DNAJC16: variants seen among roughly 807,000 people sequenced by gnomAD.
The protein encoded by DNAJC16 is DnaJ heat shock protein family (Hsp40) member C16.
In DNAJC16, 76 loss-of-function variants were observed where a neutral mutation model predicts 92.7. The observed-to-expected ratio is 0.82, with a 90% confidence interval of 0.68 to 0.99. DNAJC16 has a LOEUF of 0.99. Among genes scored for constraint, DNAJC16 ranks in the 50% least tolerant of loss-of-function variants. The pLI, the probability that DNAJC16 is intolerant of heterozygous loss-of-function variation, is 0.00. For missense variants in DNAJC16, 869 were observed against 942.4 expected, an observed-to-expected ratio of 0.92 and a Z score of 1.02; for synonymous variants, 328 against 358.7, an observed-to-expected ratio of 0.91 and a Z score of 0.97.
chr1:15,543,541 C>CAATCTGGAGACA (rs1214522256), intron 4 of DNAJC16, among the ~76,000 whole-genome samples: 1 of 152,158 alleles, frequency 6.6e-6, no homozygotes, highest in Non-Finnish European at 1.5e-5. Flanking sequence ...TTTATTCCAG[C>CAATCTGGAGACA]TGAAATGGGT....
Position 15,566,193 on chromosome 1 carries a change from A to C in DNAJC16, c.1778+13A>C. 4 of 1,609,802 alleles carry C rather than the reference A, an allele frequency of 2.5e-6. No individual in the cohort carries two copies. The highest frequency in any genetic ancestry group is 2.5e-6 in the Non-Finnish European group (3 of 1,177,078). The stretch of plus-strand genomic sequence containing the variant: ...AAGAAAACAGCAGGTTTCTCTAACA[A>C]AACACCAGACTCACCTCCCCGGCAC... On this transcript the variant is annotated intron_variant, in intron 13 of 14. Coordinates refer to ENST00000375847, the MANE Select transcript of DNAJC16 (RefSeq NM_015291.4).
chr1:15,569,086 T>C lies in DNAJC16; in HGVS notation c.*909T>C, dbSNP rs991318514. On this transcript the variant is annotated 3_prime_UTR_variant, in exon 15 of 15. Transcript: ENST00000375847. ...GATAAGCTGCTATAAAGCCAGTAGA[T>C]GTTAAACTGAAGAGAAATTATTCCC... 5.8e-6 allele frequency: 1 copy of C among 171,688 alleles called. No individual in the cohort carries two copies. The highest frequency in any genetic ancestry group is 1.2e-5 in the Non-Finnish European group (1 of 81,218). The allele number at this position is 171,688 out of a possible 1,614,324, so 10.6% of individuals were successfully genotyped here.
intron 2 of DNAJC16, among the ~76,000 whole-genome samples, chr1:15,531,955 G>C (rs979616396): frequency 3.3e-5 from 5 of 152,180 alleles, no homozygotes; most frequent in African/African-American, 4.8e-5. Context: ...TGGATCTGGA[G>C]CCTTCCTCTG....
At chr1:15,540,521 A>G (rs1710909300) in intron 4 of DNAJC16, among the ~76,000 whole-genome samples, 2 of 152,094 alleles carry the variant, frequency 1.3e-5, no homozygotes, top group South Asian at 4.1e-4. Flanking sequence ...TTCAGATCCC[A>G]TCACCGTCAC....
At position 15,536,813 on chromosome 1, in the gene DNAJC16, G is replaced by A. The variant is rs1243622894; in HGVS notation, c.573G>A (p.Leu191=). The change falls in exon 4 of 15, where the codon TTG becomes TTA. Residue 191 remains leucine, a splice_region_variant and synonymous_variant. Coordinates refer to ENST00000375847, the MANE Select transcript of DNAJC16 (RefSeq NM_015291.4). ...WKEVIQELEE[L]GVGIGVVHAG... is the part of the protein sequence containing the mutation. ...AAGTCATTCAAGAACTGGAAGAATT[G>A]GGTAAGATAATTTTATTCACTGAAA... 1 of 1,587,652 alleles carries A rather than the reference G, an allele frequency of 6.3e-7. No individual in the cohort carries two copies. The highest frequency in any genetic ancestry group is 1.4e-5 in the African/African-American group (1 of 73,168).
chr1:15,571,049 C>T lies in DNAJC16; in HGVS notation c.*2872C>T, dbSNP rs1638938583. 6.6e-6 allele frequency: 1 copy of T among 151,772 alleles called. No homozygotes were observed. The highest frequency in any genetic ancestry group is 1.5e-5 in the Non-Finnish European group (1 of 67,988). The allele number at this position is 151,772 out of a possible 1,614,324, so 9.4% of individuals were successfully genotyped here. The stretch of plus-strand genomic sequence containing the variant: ...AAAAATTTGTTGCTCAGGTGTTGCA[C>T]AATTTTTATCTAACACTGAGGCTAT... On this transcript the variant is annotated 3_prime_UTR_variant, in exon 15 of 15. Transcript: ENST00000375847.
chr1:15,571,353 A>G lies in DNAJC16; in HGVS notation c.*3176A>G, dbSNP rs1638944382. The G allele has an allele frequency of 6.6e-6, 1 of 152,590 alleles. No homozygotes were observed. The highest frequency in any genetic ancestry group is 6.5e-5 in the Admixed American group (1 of 15,280). The allele number at this position is 152,590 out of a possible 1,614,324, so 9.5% of individuals were successfully genotyped here. A position where few individuals can be genotyped will look rare whatever the true frequency, so the allele number is the denominator to read the frequency against. ...TCCTTTGTTTGGGAATAGAGATTGG[A>G]AGCACATACTCAGACCTGTTTTGTT... On this transcript the variant is annotated 3_prime_UTR_variant, in exon 15 of 15. Transcript: ENST00000375847.
At chr1:15,533,628 AAAAAAAAC>A (rs200140630) in intron 2 of DNAJC16, among the ~76,000 whole-genome samples, 1,743 of 152,060 alleles carry the variant, frequency 0.011, 38 homozygotes, top group African/African-American at 0.039. Flanking sequence ...ACCCTGTCTC[AAAAAAAAC>A]AAAAAAACAA....
At position 15,567,805 on chromosome 1, in the gene DNAJC16, G is replaced by C; in HGVS notation, c.1977G>C (p.Leu659=). ...GCAGCTGCCTACACTTCTCCTTCCTGAGTCTAGATAAACACAGAGAATGGC... is the reference window on the plus strand; with the variant it reads ...GCAGCTGCCTACACTTCTCCTTCCTCAGTCTAGATAAACACAGAGAATGGC... ...TGSSCLHFSF[L]SLDKHREWLE... The change falls in exon 15 of 15, where the codon CTG becomes CTC. Residue 659 remains leucine (L), a synonymous_variant. Transcript: ENST00000375847. The C allele has an allele frequency of 6.2e-7, 1 of 1,614,012 alleles. No homozygotes were observed. Among genetic ancestry groups the C allele is most frequent in the African/African-American group, 1.3e-5 (1 of 75,038 alleles).
At chr1:15,553,062 G>A (rs57796960) in intron 7 of DNAJC16, among the ~76,000 whole-genome samples, 12 of 149,630 alleles carry the variant, frequency 8.0e-5, no homozygotes, top group African/African-American at 2.9e-4. Context: ...GAGCCACCGC[G>A]CCCGGCCTGT....
At chr1:15,558,467 G>C (rs560791934) in intron 7 of DNAJC16, among the ~76,000 whole-genome samples, 14 of 152,128 alleles carry the variant, frequency 9.2e-5, no homozygotes, top group African/African-American at 3.4e-4. Context: ...GATTATAGGA[G>C]TGAGCCACTG....
chr1:15,553,068 C>A (rs1638485748), intron 7 of DNAJC16, among the ~76,000 whole-genome samples: 1 of 151,840 alleles, frequency 6.6e-6, no homozygotes, highest in Non-Finnish European at 1.5e-5. Flanking sequence ...CCGCGCCCGG[C>A]CTGTCTATTA....
intron 4 of DNAJC16, among the ~76,000 whole-genome samples, chr1:15,541,045 A>G (rs909180751): frequency 6.6e-6 from 1 of 152,182 alleles, no homozygotes; most frequent in African/African-American, 2.4e-5. Context: ...ACCCTCCCCC[A>G]GCTTCAGTTT....
In DNAJC16 at chr1:15,548,318, G is replaced by GTA. The variant is rs1391181426; in HGVS notation, c.914_915insAT (p.Gly306TrpfsTer3). The GTA allele has an allele frequency of 6.2e-7, 1 of 1,614,064 alleles. No individual in the cohort carries two copies. Among genetic ancestry groups the GTA allele is most frequent in the East Asian group, 2.2e-5 (1 of 44,894 alleles). On this transcript the variant is annotated frameshift_variant, in exon 7 of 15. Coordinates refer to ENST00000375847, the MANE Select transcript of DNAJC16 (RefSeq NM_015291.4). LOFTEE classifies it high-confidence loss of function. ...TTATTTATCATTTGGATATGTATAT[G>GTA]TGGGTTTGAGAGGGACGGAAGAGAT...
intron 5 of DNAJC16, among the ~76,000 whole-genome samples, 187 bp downstream of exon 5, chr1:15,544,770 T>C (rs1298842498): frequency 1.3e-5 from 2 of 152,176 alleles, no homozygotes; most frequent in Admixed American, 6.5e-5. Flanking sequence ...AGACTAATAA[T>C]TGAAACAGAT....
At chr1:15,538,161 C>G (rs1460845370) in intron 4 of DNAJC16, among the ~76,000 whole-genome samples, 3 of 152,136 alleles carry the variant, frequency 2.0e-5, no homozygotes, top group Non-Finnish European at 4.4e-5. Flanking sequence ...CTTTGGGAGG[C>G]TGAGGCAGGT....
intron 1 of DNAJC16, among the ~76,000 whole-genome samples, chr1:15,528,077 C>T (rs972493846): frequency 1.3e-5 from 2 of 152,206 alleles, no homozygotes; most frequent in African/African-American, 2.4e-5. Flanking sequence ...GCCGTTAATT[C>T]TTCTTCACAT....
rs1424415542 is a variant in DNAJC16 at position 15,564,061 on chromosome 1, C to T, written c.1471C>T (p.Leu491Phe). ...YLDQLRKDPALLSSEAVLPDL... is the reference protein window; with the variant it reads ...YLDQLRKDPAFLSSEAVLPDL... ...CGACCAGCTGCGTAAAGATCCAGCT[C>T]TTCTGTCCTCTGAAGCAGTGCTTCC... Residue 491 changes from leucine (L) to phenylalanine (F), a missense_variant, in exon 10 of 15, where the codon CTT (leucine) becomes TTT (phenylalanine). Leu to Phe is a conservative substitution (Grantham distance 22, BLOSUM62 0). Transcript: ENST00000375847. 6 of 1,613,710 alleles carry T rather than the reference C, an allele frequency of 3.7e-6. No individual in the cohort carries two copies. Among genetic ancestry groups the T allele is most frequent in the Admixed American group, 3.3e-5 (2 of 60,012 alleles).
chr1:15,571,461 A>G lies in DNAJC16; in HGVS notation c.*3284A>G, dbSNP rs1228093452. 6.6e-6 allele frequency: 1 copy of G among 152,638 alleles called. No individual in the cohort carries two copies. Among genetic ancestry groups the G allele is most frequent in the Non-Finnish European group, 1.5e-5 (1 of 68,030 alleles). 9.5% of individuals were successfully genotyped at this position (152,638 alleles called of 1,614,324 possible). ...ATCCACCTGTCTGACATTGTCCCCT[A>G]AAAACAAGTGCAGTGTGGCAGCTGC... On this transcript the variant is annotated 3_prime_UTR_variant, in exon 15 of 15. Coordinates refer to ENST00000375847, the MANE Select transcript of DNAJC16 (RefSeq NM_015291.4).
Sources: allele counts gnomAD v4.1 joint callset (sites outside exome capture counted in the v4.1 genomes callset), GRCh38; gene constraint gnomAD v4.1.1; transcripts MANE v1.5; gene names NCBI Gene and HGNC (gene_info 2026-07-23, HGNC 2026-07-21).